The following GIPC2 variants were observed in gnomAD, a reference collection of about 807,000 sequenced individuals.
GIPC2 encodes GIPC PDZ domain containing family member 2, also known as PDZ domain-containing protein GIPC2.
In GIPC2, 30 loss-of-function variants were observed where a neutral mutation model predicts 30.6. The observed-to-expected ratio is 0.98, with a 90% CI of 0.73 to 1.33. GIPC2 has a LOEUF of 1.33. GIPC2 is among the 40% of genes most tolerant of loss of function. The pLI is 0.00. For synonymous variants in GIPC2, 167 were observed against 150.0 expected (o/e 1.11, Z -0.83); for missense variants, 414 against 390.3 (o/e 1.06, Z -0.51).
chr1:78,053,768 C>CCAAA (rs1661239516), intron 1 of GIPC2, among the ~76,000 whole-genome samples: 1 of 127,976 alleles, frequency 7.8e-6, no homozygotes. Flanking sequence ...AAAAAAAAGC[C>CCAAA]AAAAAAAAAA....
In GIPC2 at chr1:78,136,828, G is replaced by A. The variant is rs1039858531; in HGVS notation, c.*1085G>A. 6 of 151,876 alleles carry A rather than the reference G, an allele frequency of 4.0e-5. No individual in the cohort carries two copies. Among genetic ancestry groups the A allele is most frequent in the Non-Finnish European group, 8.8e-5 (6 of 67,932 alleles). 9.4% of individuals were successfully genotyped at this position (151,876 alleles called of 1,614,324 possible). A position where few individuals can be genotyped will look rare whatever the true frequency, so the allele number is the denominator to read the frequency against. ...TCTTATCACTCTTATTTGACATTTC[G>A]TAGGTGTAAGAGAAATGGAAATGAA... is the stretch of plus-strand genomic sequence containing the variant. On this transcript the variant is annotated 3_prime_UTR_variant, in exon 6 of 6. Coordinates refer to ENST00000370759, the MANE Select transcript of GIPC2 (RefSeq NM_017655.6).
intron 3 of GIPC2, among the ~76,000 whole-genome samples, chr1:78,109,151 A>T (rs989446194): frequency 2.0e-5 from 3 of 152,204 alleles, no homozygotes; most frequent in African/African-American, 4.8e-5. Flanking sequence ...TTTCTTATTC[A>T]TGCAGAGCAG....
intron 2 of GIPC2, among the ~76,000 whole-genome samples, chr1:78,087,379 G>A (rs1486609899): frequency 1.3e-5 from 2 of 152,090 alleles, no homozygotes; most frequent in African/African-American, 4.8e-5. Context: ...AAACAGCATG[G>A]TACTTGTACA....
At chr1:78,097,755 A>G (rs1662164794) in intron 3 of GIPC2, among the ~76,000 whole-genome samples, 1 of 152,218 alleles carries the variant, frequency 6.6e-6, no homozygotes, top group South Asian at 2.1e-4. Flanking sequence ...GAAACAGTCA[A>G]TTGAGCCTTG....
chr1:78,067,861 G>A (rs565397564), intron 1 of GIPC2, among the ~76,000 whole-genome samples: 1 of 152,166 alleles, frequency 6.6e-6, no homozygotes, highest in Admixed American at 6.5e-5. Context: ...CTCTGTAGAT[G>A]GTCCTCAGTC....
intron 2 of GIPC2, among the ~76,000 whole-genome samples, chr1:78,084,413 A>G (rs1661888309): frequency 1.3e-5 from 2 of 151,982 alleles, no homozygotes; most frequent in African/African-American, 2.4e-5. Flanking sequence ...TGGGAGGCCA[A>G]GACAGGAGAA....
chr1:78,051,752 C>G (rs537175015), intron 1 of GIPC2, among the ~76,000 whole-genome samples: 1 of 152,168 alleles, frequency 6.6e-6, no homozygotes, highest in Non-Finnish European at 1.5e-5. Flanking sequence ...GCCTCGGCCT[C>G]CCAAAGTGCT....
At chr1:78,113,611 A>G (rs1662513236) in intron 3 of GIPC2, among the ~76,000 whole-genome samples, 1 of 152,120 alleles carries the variant, frequency 6.6e-6, no homozygotes, top group South Asian at 2.1e-4. Flanking sequence ...CTGGTCTCGA[A>G]TTCCTGGGCT....
chr1:78,084,916 G>T (rs1661899006), intron 2 of GIPC2, among the ~76,000 whole-genome samples: 1 of 152,084 alleles, frequency 6.6e-6, no homozygotes, highest in South Asian at 2.1e-4. Flanking sequence ...TTCCCTATTT[G>T]GATGCCCTTT....
chr1:78,051,042 A>G (rs1191961471), intron 1 of GIPC2, among the ~76,000 whole-genome samples: 1 of 152,204 alleles, frequency 6.6e-6, no homozygotes, highest in Non-Finnish European at 1.5e-5. Context: ...ATTGTTTGGC[A>G]AGTAGTTTTT....
chr1:78,046,421 C>T (rs1482542976), intron 1 of GIPC2, 87 bp downstream of exon 1: 28 of 1,260,608 alleles, frequency 2.2e-5, no homozygotes, highest in Non-Finnish European at 2.9e-5. Flanking sequence ...GAGGGTTGAG[C>T]GGCGTTTCCC....
chr1:78,052,136 C>T (rs1661209145), intron 1 of GIPC2, among the ~76,000 whole-genome samples: 1 of 152,122 alleles, frequency 6.6e-6, no homozygotes. Context: ...GTTTTTGCCT[C>T]CGCCAGAACC....
At chr1:78,115,866 A>T (rs1662558162) in intron 3 of GIPC2, among the ~76,000 whole-genome samples, 1 of 152,214 alleles carries the variant, frequency 6.6e-6, no homozygotes, top group Admixed American at 6.5e-5. Flanking sequence ...CTGTTCCTGA[A>T]TATAGGTCAA....
intron 3 of GIPC2, among the ~76,000 whole-genome samples, chr1:78,102,652 G>T (rs1662270343): frequency 1.3e-5 from 2 of 152,132 alleles, no homozygotes; most frequent in Admixed American, 1.3e-4. Context: ...CTGTGCCTTG[G>T]TCTCCTCATA....
intron 5 of GIPC2, among the ~76,000 whole-genome samples, chr1:78,131,794 T>C (rs1451551112): frequency 1.3e-5 from 2 of 152,356 alleles, no homozygotes; most frequent in African/African-American, 2.4e-5. Context: ...CTTTATGTAT[T>C]AGGAAAAATA....
chr1:78,093,829 C>T (rs1662087548), intron 2 of GIPC2, among the ~76,000 whole-genome samples: 3 of 152,124 alleles, frequency 2.0e-5, no homozygotes. Context: ...TTGCCTCATT[C>T]CTCATCACTG....
chr1:78,078,430 C>T (rs779518479), intron 1 of GIPC2, among the ~76,000 whole-genome samples: 11 of 152,152 alleles, frequency 7.2e-5, no homozygotes, highest in Non-Finnish European at 1.5e-4. Context: ...CACATTCCTA[C>T]AGGTTTTCAA....
intron 1 of GIPC2, among the ~76,000 whole-genome samples, chr1:78,067,537 C>T (rs189296336): frequency 1.3e-4 from 20 of 151,872 alleles, no homozygotes; most frequent in Admixed American, 1.3e-4. Flanking sequence ...ATGCAACCTC[C>T]GCCTCCCTAG....
chr1:78,055,824 A>G (rs928001525), intron 1 of GIPC2, among the ~76,000 whole-genome samples: 6 of 152,214 alleles, frequency 3.9e-5, no homozygotes, highest in African/African-American at 1.2e-4. Flanking sequence ...GGAGTCCTGC[A>G]GGAGAGAGCT....
Sources: allele counts gnomAD v4.1 joint callset (sites outside exome capture counted in the v4.1 genomes callset), GRCh38; gene constraint gnomAD v4.1.1; transcripts MANE v1.5; gene names NCBI Gene and HGNC (gene_info 2026-07-23, HGNC 2026-07-21).